BANP: variants seen among roughly 807,000 people sequenced by gnomAD.
The protein encoded by BANP is protein BANP.
BANP carries 11 observed loss-of-function variants against 68.1 expected under a neutral mutation model. The ratio of observed to expected loss-of-function variants is 0.16; its 90% CI spans 0.10 to 0.27. The LOEUF (loss-of-function observed/expected upper bound fraction) is 0.27, where lower values mean the gene tolerates loss of function less well. BANP is among the 10% of genes least tolerant of loss of function. The pLI is 1.00. For synonymous variants in BANP, 329 were observed against 303.2 expected, an observed-to-expected ratio of 1.09 and a Z score of -0.88; for missense variants, 504 against 722.7, an observed-to-expected ratio of 0.70 and a Z score of 3.47.
At chr16:88,021,140 C>G (rs546715792) in intron 7 of BANP, among the ~76,000 whole-genome samples, 1 of 152,226 alleles carries the variant, frequency 6.6e-6, no homozygotes, top group African/African-American at 2.4e-5. Context: ...ACCACCCTCT[C>G]CCCTGGGCCC....
chr16:88,022,770 G>A (rs186803877), intron 7 of BANP, among the ~76,000 whole-genome samples: 1 of 152,236 alleles, frequency 6.6e-6, no homozygotes, highest in Admixed American at 6.5e-5. Context: ...GGTGGTGGCC[G>A]CATCCCTCCA....
At chr16:87,965,842 A>G (rs2059923089) in intron 1 of BANP, among the ~76,000 whole-genome samples, 1 of 152,174 alleles carries the variant, frequency 6.6e-6, no homozygotes, top group Non-Finnish European at 1.5e-5. Context: ...CACAGGTAAT[A>G]AATAAGTAAG....
intron 1 of BANP, among the ~76,000 whole-genome samples, chr16:87,969,083 C>A (rs543267944): frequency 1.3e-5 from 2 of 152,154 alleles, no homozygotes; most frequent in Non-Finnish European, 2.9e-5. Context: ...CACTGCCCTG[C>A]CCAGTTGATA....
chr16:87,971,441 C>T (rs758340457), intron 1 of BANP, among the ~76,000 whole-genome samples: 1 of 152,092 alleles, frequency 6.6e-6, no homozygotes. Context: ...GTAATTTTGT[C>T]TGGATATAAA....
At chr16:87,983,820 G>A (rs141331488) in intron 3 of BANP, among the ~76,000 whole-genome samples, 5,045 of 152,234 alleles carry the variant, frequency 0.033, 274 homozygotes, top group African/African-American at 0.11. Flanking sequence ...GCAACTGCAC[G>A]TAGAAGTGAA....
chr16:87,978,799 C>T, intron 2 of BANP: 2 of 368,954 alleles, frequency 5.4e-6, no homozygotes, highest in Non-Finnish European at 5.5e-6. Flanking sequence ...GATAGAACCC[C>T]AACCCTCCCA....
intron 4 of BANP, among the ~76,000 whole-genome samples, chr16:87,992,837 T>C (rs921703333): frequency 1.3e-5 from 2 of 151,890 alleles, no homozygotes; most frequent in Non-Finnish European, 2.9e-5. Flanking sequence ...TGAGTTAGTG[T>C]TGTTTGTGTC....
intron 1 of BANP, among the ~76,000 whole-genome samples, chr16:87,964,636 C>A (rs143615027): frequency 2.0e-5 from 3 of 152,262 alleles, no homozygotes; most frequent in Non-Finnish European, 4.4e-5. Context: ...CATAGCCTGG[C>A]ACGTGTTTTT....
chr16:88,034,509 C>T (rs1044704018), intron 9 of BANP, among the ~76,000 whole-genome samples: 1 of 152,056 alleles, frequency 6.6e-6, no homozygotes, highest in Non-Finnish European at 1.5e-5. Flanking sequence ...TTTACTGAAA[C>T]TGTCTAAATA....
At chr16:87,974,963 T>C (rs77023119) in intron 1 of BANP, 85 bp from the exon 2 acceptor site, 8,918 of 654,354 alleles carry the variant, frequency 0.014, 86 homozygotes, top group Middle Eastern at 0.018. Flanking sequence ...GCCTCTTGCA[T>C]ACACGTGCTC....
chr16:87,967,835 C>T (rs966374983), intron 1 of BANP, among the ~76,000 whole-genome samples: 1 of 151,882 alleles, frequency 6.6e-6, no homozygotes, highest in Non-Finnish European at 1.5e-5. Flanking sequence ...GTTGGTTAGG[C>T]TGGTCTCGAA....
chr16:88,048,046 C>G (rs898307379), intron 11 of BANP, among the ~76,000 whole-genome samples: 1 of 152,200 alleles, frequency 6.6e-6, no homozygotes, highest in Non-Finnish European at 1.5e-5. Flanking sequence ...TCAAAGAGCA[C>G]CAAGGCCTGC....
At chr16:88,023,404 G>T (rs2076374804) in intron 7 of BANP, among the ~76,000 whole-genome samples, 1 of 152,204 alleles carries the variant, frequency 6.6e-6, no homozygotes, top group African/African-American at 2.4e-5. Context: ...AGGTGCATGG[G>T]GCGTGAGCTG....
At chr16:87,964,471 G>A (rs2059697392) in intron 1 of BANP, among the ~76,000 whole-genome samples, 1 of 152,210 alleles carries the variant, frequency 6.6e-6, no homozygotes, top group Admixed American at 6.5e-5. Flanking sequence ...GGGGTGGCCA[G>A]CTCCGTGGTA....
rs552829292 is a variant in BANP at position 88,015,641 on chromosome 16, G to C, written c.656-2787G>C. Reference sequence around the variant, plus strand: ...CTCGTCTGAGGTCAGCTCTACCCCTGCCTGTCTCCCTGTTCGCTTGCAGGC... The same window carrying C: ...CTCGTCTGAGGTCAGCTCTACCCCTCCCTGTCTCCCTGTTCGCTTGCAGGC... On this transcript the variant is annotated intron_variant, in intron 6 of 13. Transcript: ENST00000682872. 3.3e-5 allele frequency among the ~76,000 whole-genome samples: 5 copies of C among 152,372 alleles called. No homozygotes were observed. In the East Asian group the frequency reaches 5.8e-4, roughly 18 times the overall value.
intron 4 of BANP, among the ~76,000 whole-genome samples, chr16:87,989,382 G>T (rs1363208296): frequency 6.6e-6 from 1 of 152,216 alleles, no homozygotes; most frequent in Non-Finnish European, 1.5e-5. Context: ...CAGTTCGGTT[G>T]GTGCATTCGT....
At position 88,009,153 on chromosome 16, in the gene BANP, G is replaced by A. The variant is rs2072237227; in HGVS notation, c.655+2888G>A. ...GCGTCCTCTCTTCAGCACTTCCATG[G>A]GGGGTGCGAATGTGCCGAGAATGGG... On this transcript the variant is annotated intron_variant, in intron 6 of 13. Transcript: ENST00000682872. Among the ~76,000 whole-genome samples, 4 of 152,202 alleles carry A rather than the reference G, an allele frequency of 2.6e-5. No homozygotes were observed. In the South Asian group the frequency reaches 8.3e-4, roughly 32 times the overall value.
At chr16:87,968,799 G>A (rs931729206) in intron 1 of BANP, among the ~76,000 whole-genome samples, 1 of 152,084 alleles carries the variant, frequency 6.6e-6, no homozygotes, top group Non-Finnish European at 1.5e-5. Context: ...GTGCGTAGGT[G>A]GAGTTGGAAT....
In BANP at chr16:88,036,319, C is replaced by T. The variant is rs1439615999; in HGVS notation, c.1272+925C>T. Among the ~76,000 whole-genome samples, 1 of 152,116 alleles carries T rather than the reference C, an allele frequency of 6.6e-6. No individual in the cohort carries two copies. Among genetic ancestry groups the T allele is most frequent in the African/African-American group, 2.4e-5 (1 of 41,414 alleles). The stretch of plus-strand genomic sequence containing the variant: ...ACACCAGCAGCAGAGACTAGGAAGC[C>T]CGGGTGCTGAGGTCAAGGGGACTCA... On this transcript the variant is annotated intron_variant, in intron 10 of 13. Transcript: ENST00000682872. This position sits in a 1 kb window ranked among gnomAD's most constrained non-coding sequence, Gnocchi z 4.2.
Sources: allele counts gnomAD v4.1 joint callset (sites outside exome capture counted in the v4.1 genomes callset), GRCh38; gene constraint gnomAD v4.1.1; non-coding constraint Gnocchi (gnomAD v3.1); transcripts MANE v1.5; gene names NCBI Gene and HGNC (gene_info 2026-07-23, HGNC 2026-07-21).